Variants in QTMAN observed in about 807,000 individuals in gnomAD.
QTMAN encodes the protein tRNA-queuosine alpha-mannosyltransferase.
chr2:144,011,639 G>GCAA, the QTMAN span: 1 of 673,418 alleles, frequency 1.5e-6, no homozygotes, highest in South Asian at 6.9e-5. Flanking sequence ...TTCTATGCTA[G>GCAA]TAAAAAAAAA....
the QTMAN span, chr2:143,946,985 T>G: frequency 8.9e-7 from 1 of 1,123,960 alleles, no homozygotes; most frequent in Non-Finnish European, 1.3e-6. Flanking sequence ...CAGGTAAATA[T>G]GGGCACACTC....
chr2:143,979,404 T>G, the QTMAN span, among the ~76,000 whole-genome samples: 2 of 152,192 alleles, frequency 1.3e-5, no homozygotes, highest in African/African-American at 4.8e-5. Flanking sequence ...AATCTATAAT[T>G]ATTTAATAAA....
chr2:144,319,344 T>C, the QTMAN span, among the ~76,000 whole-genome samples: 1 of 152,164 alleles, frequency 6.6e-6, no homozygotes, highest in African/African-American at 2.4e-5. Context: ...TTAACCCTTT[T>C]AGTCAACAGA....
the QTMAN span, among the ~76,000 whole-genome samples, chr2:144,294,696 A>AT: frequency 6.6e-6 from 1 of 152,190 alleles, no homozygotes; most frequent in Non-Finnish European, 1.5e-5. Flanking sequence ...ATATATAAGT[A>AT]ATCTTCAATA....
chr2:144,318,575 C>A, the QTMAN span, among the ~76,000 whole-genome samples: 10 of 152,172 alleles, frequency 6.6e-5, no homozygotes, highest in African/African-American at 2.4e-4. Flanking sequence ...TAGATGTGTG[C>A]AACTTCCACT....
chr2:144,072,194 G>C, the QTMAN span, among the ~76,000 whole-genome samples: 1 of 152,164 alleles, frequency 6.6e-6, no homozygotes, highest in Non-Finnish European at 1.5e-5. Flanking sequence ...CTTATGCTCA[G>C]TCAGTTTTAT....
the QTMAN span, among the ~76,000 whole-genome samples, chr2:144,180,134 G>A: frequency 6.6e-6 from 1 of 152,160 alleles, no homozygotes; most frequent in Non-Finnish European, 1.5e-5. Flanking sequence ...GTAATCTTAA[G>A]GCCACAGATA....
the QTMAN span, among the ~76,000 whole-genome samples, chr2:144,056,949 A>C: frequency 6.6e-6 from 1 of 152,192 alleles, no homozygotes; most frequent in African/African-American, 2.4e-5. Flanking sequence ...TCTCTCAAAA[A>C]ATTTTTGACA....
the QTMAN span, among the ~76,000 whole-genome samples, chr2:144,045,597 T>C: frequency 2.0e-5 from 3 of 152,100 alleles, no homozygotes; most frequent in Non-Finnish European, 4.4e-5. Flanking sequence ...GTTTGGGGGT[T>C]GGGGGAATAT....
the QTMAN span, among the ~76,000 whole-genome samples, chr2:144,053,128 T>C: frequency 6.6e-6 from 1 of 152,138 alleles, no homozygotes; most frequent in Non-Finnish European, 1.5e-5. Flanking sequence ...ATTTAGTGAG[T>C]CATGATCAGC....
chr2:144,101,698 T>C, the QTMAN span, among the ~76,000 whole-genome samples: 1 of 151,984 alleles, frequency 6.6e-6, no homozygotes, highest in South Asian at 2.1e-4. Context: ...AATAAATATA[T>C]ATAATATCAA....
chr2:144,082,556 G>A, the QTMAN span, among the ~76,000 whole-genome samples: 2 of 151,934 alleles, frequency 1.3e-5, no homozygotes, highest in Admixed American at 1.3e-4. Context: ...GTGGTAGAAA[G>A]TAAAGCAGAA....
At chr2:144,113,645 G>A in the QTMAN span, among the ~76,000 whole-genome samples, 9 of 152,164 alleles carry the variant, frequency 5.9e-5, no homozygotes, top group Non-Finnish European at 1.0e-4. Flanking sequence ...CAGAATCCAT[G>A]CCAACACACA....
chr2:143,961,851 T>A, the QTMAN span, among the ~76,000 whole-genome samples: 2 of 152,022 alleles, frequency 1.3e-5, no homozygotes, highest in South Asian at 2.1e-4. Context: ...ACAGGACACA[T>A]TGAGGAATGA....
chr2:144,145,736 G>A, the QTMAN span: 1 of 1,606,400 alleles, frequency 6.2e-7, no homozygotes, highest in South Asian at 1.1e-5. Context: ...TTGCAAAGAG[G>A]GTCCTAGGAA....
the QTMAN span, among the ~76,000 whole-genome samples, chr2:144,047,110 A>C: frequency 4.4e-4 from 67 of 152,212 alleles, no homozygotes; most frequent in Middle Eastern, 3.4e-3. Context: ...ATCTCTACTA[A>C]AAATACAAAA....
the QTMAN span, chr2:144,178,503 C>T: frequency 3.3e-5 from 5 of 153,434 alleles, no homozygotes; most frequent in Admixed American, 1.3e-4. Context: ...ATGCTCTATC[C>T]TATCCCTGGA....
the QTMAN span, among the ~76,000 whole-genome samples, chr2:144,210,265 C>T: frequency 3.3e-5 from 5 of 152,008 alleles, no homozygotes; most frequent in African/African-American, 1.2e-4. Flanking sequence ...AAAATAGAGA[C>T]AACAGTACTA....
the QTMAN span, among the ~76,000 whole-genome samples, chr2:144,135,689 G>C: frequency 7.2e-5 from 11 of 152,020 alleles, no homozygotes; most frequent in Non-Finnish European, 1.0e-4. Flanking sequence ...TAAATCATTT[G>C]TTCTTTACTG....
Sources: allele counts gnomAD v4.1 joint callset (sites outside exome capture counted in the v4.1 genomes callset), GRCh38; gene constraint gnomAD v4.1.1; transcripts MANE v1.5; gene names NCBI Gene and HGNC (gene_info 2026-07-23, HGNC 2026-07-21).